The following PCDH15 variants were observed in gnomAD, a reference collection of about 807,000 sequenced individuals.
PCDH15 encodes protocadherin related 15, also known as protocadherin-15.
In PCDH15, 129 loss-of-function variants were observed where a neutral mutation model predicts 178.5. The observed-to-expected ratio is 0.72, with a 90% CI of 0.63 to 0.84. The LOEUF is 0.84. Ranked by LOEUF, PCDH15 falls within the 40% of genes least tolerant of loss-of-function variation. The pLI is 0.00. For missense variants in PCDH15, 2,230 were observed against 2,099.9 expected (o/e 1.06, Z -1.21); for synonymous variants, 800 against 732.0 (o/e 1.09, Z -1.50).
At chr10:54,959,298 G>A (rs1482185629) in intron 2 of PCDH15, among the ~76,000 whole-genome samples, 2 of 151,892 alleles carry the variant, frequency 1.3e-5, no homozygotes, top group Non-Finnish European at 2.9e-5. Flanking sequence ...ACAAAGACCT[G>A]TATTACTTTC....
intron 2 of PCDH15, among the ~76,000 whole-genome samples, chr10:55,601,511 T>C (rs1470121323): frequency 1.3e-5 from 2 of 152,138 alleles, no homozygotes; most frequent in Admixed American, 1.3e-4. Flanking sequence ...TATACAAGAC[T>C]AGGATTTTTA....
intron 1 of PCDH15, among the ~76,000 whole-genome samples, chr10:55,196,545 T>C (rs1203465045): frequency 6.6e-6 from 1 of 152,016 alleles, no homozygotes; most frequent in Non-Finnish European, 1.5e-5. Context: ...TAATCACAGG[T>C]ACAATATAAG....
At chr10:53,997,255 A>G (rs1009435315) in intron 20 of PCDH15, among the ~76,000 whole-genome samples, 1 of 152,196 alleles carries the variant, frequency 6.6e-6, no homozygotes, top group Non-Finnish European at 1.5e-5. Flanking sequence ...AAGTAAATGA[A>G]CCGAGAAGTT....
intron 1 of PCDH15, among the ~76,000 whole-genome samples, chr10:54,700,840 T>G (rs1315184694): frequency 6.6e-6 from 1 of 151,962 alleles, no homozygotes; most frequent in Non-Finnish European, 1.5e-5. Context: ...GGGCCAACAC[T>G]TAAATTCAGA....
intron 2 of PCDH15, among the ~76,000 whole-genome samples, chr10:55,403,251 C>T (rs80114045): frequency 0.013 from 2,034 of 151,222 alleles, 43 homozygotes; most frequent in African/African-American, 0.046. Context: ...TGTTTGAGTC[C>T]CTTATATATT....
chr10:54,610,566 C>A (rs941437293), intron 2 of PCDH15, among the ~76,000 whole-genome samples: 3 of 151,888 alleles, frequency 2.0e-5, no homozygotes, highest in African/African-American at 7.2e-5. Context: ...TCCGTAATAT[C>A]TGAGGCTAGA....
At chr10:55,469,783 C>T (rs1839916625) in intron 2 of PCDH15, among the ~76,000 whole-genome samples, 1 of 151,784 alleles carries the variant, frequency 6.6e-6, no homozygotes, top group African/African-American at 2.4e-5. Flanking sequence ...CCATTATCTC[C>T]CAAATTGTTA....
At chr10:55,008,881 GT>G (rs1209615099) in intron 2 of PCDH15, among the ~76,000 whole-genome samples, 3 of 92,714 alleles carry the variant, frequency 3.2e-5, no homozygotes, top group African/African-American at 8.8e-5. Context: ...CCTTGATCTT[GT>G]TTAAAAAACA....
intron 2 of PCDH15, among the ~76,000 whole-genome samples, chr10:54,569,308 G>A (rs1590172595): frequency 6.6e-6 from 1 of 152,090 alleles, no homozygotes; most frequent in East Asian, 1.9e-4. Context: ...TTCAATTATC[G>A]GTGGGTTTTA....
intron 2 of PCDH15, among the ~76,000 whole-genome samples, chr10:54,593,021 AT>A (rs1399559782): frequency 6.6e-6 from 1 of 152,090 alleles, no homozygotes; most frequent in African/African-American, 2.4e-5. Context: ...ATTAATGTCC[AT>A]TTTTGTAAAT....
At chr10:54,026,748 G>C (rs113738469) in intron 18 of PCDH15, among the ~76,000 whole-genome samples, 7 of 152,166 alleles carry the variant, frequency 4.6e-5, no homozygotes, top group African/African-American at 1.7e-4. Context: ...GACACTTCAT[G>C]CTAAAAACTC....
intron 3 of PCDH15, among the ~76,000 whole-genome samples, chr10:54,483,494 C>A (rs908072376): frequency 1.3e-5 from 2 of 151,766 alleles, no homozygotes; most frequent in African/African-American, 4.8e-5. Context: ...GCTCCTAATA[C>A]TTCTCATTCT....
intron 2 of PCDH15, among the ~76,000 whole-genome samples, chr10:55,462,246 A>G (rs1839695699): frequency 6.6e-6 from 1 of 152,138 alleles, no homozygotes; most frequent in Non-Finnish European, 1.5e-5. Context: ...ATTCATTTAT[A>G]TGACCAAACT....
rs150715880 is a variant in PCDH15, at chr10:54,072,735, T to A, written c.2092-5850A>T. The stretch of plus-strand genomic sequence containing the variant: ...AGGAGTATGTAAGCCTCCAGAAAAT[T>A]TCCACAGGTTCCATGGGAGGTCCCA... On this transcript the variant is annotated intron_variant, in intron 17 of 37. Coordinates refer to ENST00000644397, the MANE Select transcript of PCDH15 (RefSeq NM_001384140.1). Among the ~76,000 whole-genome samples, 1,374 of 152,260 alleles carry A rather than the reference T, an allele frequency of 9.0e-3. 15 individuals are homozygous for A. The highest frequency in any genetic ancestry group is 0.031 in the African/African-American group (1,307 of 41,556).
intron 3 of PCDH15, among the ~76,000 whole-genome samples, chr10:54,830,183 T>G (rs1953199748): frequency 6.6e-6 from 1 of 152,192 alleles, no homozygotes; most frequent in Non-Finnish European, 1.5e-5. Flanking sequence ...TGGCGATTCC[T>G]CAGGGATCTA....
At chr10:54,556,119 A>G (rs11813835) in intron 2 of PCDH15, among the ~76,000 whole-genome samples, 7,327 of 152,286 alleles carry the variant, frequency 0.048, 605 homozygotes, top group African/African-American at 0.17. Flanking sequence ...TAAATAAAAT[A>G]TTTAGCCCTG....
intron 8 of PCDH15, among the ~76,000 whole-genome samples, chr10:54,296,834 C>T (rs988178293): frequency 7.2e-5 from 11 of 152,168 alleles, no homozygotes; most frequent in African/African-American, 2.7e-4. Flanking sequence ...TCTCTTCCCT[C>T]TCTCAGGGTA....
chr10:55,160,572 G>GC (rs1250233726), intron 2 of PCDH15, among the ~76,000 whole-genome samples: 1 of 151,766 alleles, frequency 6.6e-6, no homozygotes, highest in Non-Finnish European at 1.5e-5. Flanking sequence ...GGGCAAATGG[G>GC]CCCCTCTCAA....
intron 2 of PCDH15, among the ~76,000 whole-genome samples, chr10:55,388,332 C>G (rs148637942): frequency 6.6e-6 from 1 of 152,152 alleles, no homozygotes; most frequent in East Asian, 1.9e-4. Context: ...TGATCCTTCT[C>G]TGATGGCTGG....
Sources: allele counts gnomAD v4.1 joint callset (sites outside exome capture counted in the v4.1 genomes callset), GRCh38; gene constraint gnomAD v4.1.1; transcripts MANE v1.5; gene names NCBI Gene and HGNC (gene_info 2026-07-23, HGNC 2026-07-21).